The following VTA1 variants were observed in gnomAD, a reference collection of about 807,000 sequenced individuals.
VTA1 encodes vacuolar protein sorting-associated protein VTA1 homolog.
VTA1 carries 24 observed loss-of-function variants against 36.9 expected under a neutral mutation model. That is an observed-to-expected ratio of 0.65 (90% CI 0.47 to 0.91). VTA1 has a LOEUF of 0.91. VTA1 is among the 40% of genes least tolerant of loss of function. VTA1 has a pLI of 0.00. For missense variants in VTA1, 393 were observed against 377.2 expected (o/e 1.04, Z -0.35); for synonymous variants, 142 against 130.2 (o/e 1.09, Z -0.62).
intron 5 of VTA1, among the ~76,000 whole-genome samples, chr6:142,189,951 G>A (rs928483423): frequency 2.6e-5 from 4 of 152,030 alleles, no homozygotes; most frequent in African/African-American, 4.8e-5. Context: ...TAGAGACGGG[G>A]TTTCACTGTG....
chr6:142,202,905 A>C (rs2114677778), intron 6 of VTA1, among the ~76,000 whole-genome samples: 1 of 152,092 alleles, frequency 6.6e-6, no homozygotes, highest in Non-Finnish European at 1.5e-5. Flanking sequence ...TATGGCTTTT[A>C]ATAGTTCCAA....
intron 7 of VTA1, among the ~76,000 whole-genome samples, chr6:142,207,806 G>A (rs1421266821): frequency 3.9e-5 from 6 of 152,068 alleles, no homozygotes; most frequent in East Asian, 1.9e-4. Flanking sequence ...AATCCTGGCC[G>A]GGCACTGTGG....
intron 5 of VTA1, among the ~76,000 whole-genome samples, chr6:142,197,572 GC>G (rs1270963796): frequency 2.0e-5 from 3 of 152,104 alleles, no homozygotes; most frequent in African/African-American, 4.8e-5. Flanking sequence ...ATTTCTTTCT[GC>G]ATAGCTAAAT....
intron 1 of VTA1, among the ~76,000 whole-genome samples, chr6:142,156,354 G>A (rs1394544784): frequency 1.3e-5 from 2 of 152,168 alleles, no homozygotes; most frequent in African/African-American, 4.8e-5. Flanking sequence ...AGGCAAAAAA[G>A]CCAGTGAAAA....
intron 1 of VTA1, among the ~76,000 whole-genome samples, chr6:142,153,343 CT>C (rs201190218): frequency 1.5e-3 from 221 of 147,628 alleles, no homozygotes; most frequent in African/African-American, 4.2e-3. Flanking sequence ...TAATTCATAG[CT>C]TTTTTTTTTA....
chr6:142,164,378 C>CT (rs200579849), intron 1 of VTA1, among the ~76,000 whole-genome samples: 174 of 148,370 alleles, frequency 1.2e-3, no homozygotes, highest in East Asian at 8.3e-3. Context: ...TTTTGGAACT[C>CT]TTTTTTTTTT....
intron 7 of VTA1, among the ~76,000 whole-genome samples, chr6:142,210,699 AT>A (rs1775887576): frequency 6.6e-6 from 1 of 152,162 alleles, no homozygotes; most frequent in East Asian, 1.9e-4. Flanking sequence ...TTGCATTATC[AT>A]TTTACCCTAG....
chr6:142,156,863 T>C (rs1233556626), intron 1 of VTA1, among the ~76,000 whole-genome samples: 1 of 152,222 alleles, frequency 6.6e-6, no homozygotes, highest in African/African-American at 2.4e-5. Context: ...TATTGATAGA[T>C]GGTAAACTAC....
chr6:142,201,636 T>A (rs542871775), intron 6 of VTA1, among the ~76,000 whole-genome samples: 1 of 152,114 alleles, frequency 6.6e-6, no homozygotes, highest in South Asian at 2.1e-4. Context: ...AGCTAGCCTT[T>A]CATTGTAAAA....
intron 1 of VTA1, among the ~76,000 whole-genome samples, chr6:142,162,357 A>G (rs1774827261): frequency 6.6e-6 from 1 of 152,214 alleles, no homozygotes; most frequent in Non-Finnish European, 1.5e-5. Flanking sequence ...CATGAATGGT[A>G]GGCCTCACAT....
intron 1 of VTA1, among the ~76,000 whole-genome samples, chr6:142,149,379 A>G (rs1269631481): frequency 1.3e-5 from 2 of 152,220 alleles, no homozygotes; most frequent in African/African-American, 4.8e-5. Flanking sequence ...TAAAATGAAC[A>G]CTAATATGCC....
chr6:142,166,517 AAAGT>A (rs1316835014), intron 2 of VTA1, among the ~76,000 whole-genome samples, 195 bp downstream of exon 2: 18 of 152,136 alleles, frequency 1.2e-4, no homozygotes, highest in African/African-American at 4.3e-4. Flanking sequence ...AGTGTTAATT[AAAGT>A]ATGTTCAAGT....
chr6:142,153,283 T>C (rs1234863231), intron 1 of VTA1, among the ~76,000 whole-genome samples: 2 of 152,030 alleles, frequency 1.3e-5, no homozygotes, highest in African/African-American at 4.8e-5. Flanking sequence ...CTAAGACATG[T>C]TAGATAACCT....
intron 4 of VTA1, among the ~76,000 whole-genome samples, chr6:142,187,515 G>A (rs1390305386): frequency 6.6e-6 from 1 of 152,054 alleles, no homozygotes; most frequent in Non-Finnish European, 1.5e-5. Flanking sequence ...CAAATTCCCT[G>A]ACCTTTTGTG....
chr6:142,167,230 G>T (rs1774933889), intron 2 of VTA1, among the ~76,000 whole-genome samples: 1 of 152,050 alleles, frequency 6.6e-6, no homozygotes. Context: ...CTATTGGATT[G>T]GATGTCAGTG....
chr6:142,214,527 A>G (rs556815922), intron 7 of VTA1, among the ~76,000 whole-genome samples: 27 of 152,074 alleles, frequency 1.8e-4, no homozygotes, highest in African/African-American at 6.3e-4. Flanking sequence ...CCCATGATCC[A>G]CTCACCTCCT....
At chr6:142,211,770 G>T (rs1177329305) in intron 7 of VTA1, among the ~76,000 whole-genome samples, 5 of 150,530 alleles carry the variant, frequency 3.3e-5, no homozygotes, top group Non-Finnish European at 7.4e-5. Context: ...CATTGCAAAA[G>T]GCTTATCTGA....
intron 7 of VTA1, among the ~76,000 whole-genome samples, chr6:142,210,692 CATT>C (rs1257797118): frequency 6.6e-6 from 1 of 152,140 alleles, no homozygotes; most frequent in Non-Finnish European, 1.5e-5. Flanking sequence ...AATCACATTG[CATT>C]ATCATTTTAC....
chr6:142,160,709 A>G (rs225643), intron 1 of VTA1, among the ~76,000 whole-genome samples: 54,022 of 151,860 alleles, frequency 0.36, 10,825 homozygotes, highest in Middle Eastern at 0.52. Context: ...TGTTGTCTGA[A>G]AACTTGTTAC....
Sources: allele counts gnomAD v4.1 joint callset (sites outside exome capture counted in the v4.1 genomes callset), GRCh38; gene constraint gnomAD v4.1.1; transcripts MANE v1.5; gene names NCBI Gene and HGNC (gene_info 2026-07-23, HGNC 2026-07-21).